The following ACAA2 variants were observed in gnomAD, a reference collection of about 807,000 sequenced individuals.
ACAA2 encodes acetyl-CoA acyltransferase 2.
Under a neutral mutation model 44.8 loss-of-function variants are expected in ACAA2, and 35 were observed. The observed-to-expected ratio is 0.78, with a 90% confidence interval of 0.60 to 1.04. ACAA2 has a LOEUF of 1.04. ACAA2 is among the 50% of genes least tolerant of loss of function. ACAA2 has a pLI of 0.00. For synonymous variants in ACAA2, 142 were observed against 166.5 expected, an observed-to-expected ratio of 0.85 and a Z score of 1.13; for missense variants, 468 against 482.6, an observed-to-expected ratio of 0.97 and a Z score of 0.28.
intron 1 of ACAA2, among the ~76,000 whole-genome samples, chr18:49,807,847 A>G (rs1451600386): frequency 6.6e-6 from 1 of 151,910 alleles, no homozygotes; most frequent in Non-Finnish European, 1.5e-5. Flanking sequence ...TGAATAAATA[A>G]CCTCTGCTCT....
At chr18:49,787,177 G>GCTAA in intron 8 of ACAA2, 114 bp downstream of exon 8, 1 of 817,602 alleles carries the variant, frequency 1.2e-6, no homozygotes, top group Non-Finnish European at 1.7e-6. Context: ...ATTTGGAAAG[G>GCTAA]CTAACTACAA....
Position 49,783,422 on chromosome 18 carries a change from G to A in ACAA2, c.*425C>T, listed in dbSNP as rs2023288846. 4 of 156,306 alleles carry A rather than the reference G, an allele frequency of 2.6e-5. No homozygotes were observed. Among genetic ancestry groups the A allele is most frequent in the Admixed American group, 1.2e-4 (2 of 16,076 alleles). 9.7% of individuals were successfully genotyped at this position (156,306 alleles called of 1,614,324 possible). On this transcript the variant is annotated 3_prime_UTR_variant, in exon 10 of 10. Coordinates refer to ENST00000285093, the MANE Select transcript of ACAA2 (RefSeq NM_006111.3). ...CCAGTGAATTGTACGCTAAAAAAGG[G>A]TTAAGATGGTAAAGTTTATGTAATG...
chr18:49,790,783 AT>A (rs1568585768), intron 7 of ACAA2, among the ~76,000 whole-genome samples: 3 of 152,082 alleles, frequency 2.0e-5, no homozygotes, highest in African/African-American at 7.2e-5. Context: ...GGACTTCCAA[AT>A]TTTTTCCATC....
At chr18:49,811,784 T>C (rs1049091910) in intron 1 of ACAA2, among the ~76,000 whole-genome samples, 2 of 152,158 alleles carry the variant, frequency 1.3e-5, no homozygotes, top group African/African-American at 4.8e-5. Flanking sequence ...TCGACATGAG[T>C]GTCCTCCTAA....
rs1168918021 is a variant in ACAA2, at chr18:49,783,082, T to TTA, written c.*763_*764dup. 1 of 152,116 alleles carries TTA rather than the reference T, an allele frequency of 6.6e-6. No individual in the cohort carries two copies. Among genetic ancestry groups the TTA allele is most frequent in the East Asian group, 1.9e-4 (1 of 5,198 alleles). 9.4% of individuals were successfully genotyped at this position (152,116 alleles called of 1,614,324 possible). Reference sequence around the variant, plus strand: ...TAAGCTGGGAAGAAGGAAGTAAGGTTTATACACACAGCAGAATATTATTCA... The same window carrying TTA: ...TAAGCTGGGAAGAAGGAAGTAAGGTTTATATACACACAGCAGAATATTATTCA... On this transcript the variant is annotated 3_prime_UTR_variant, in exon 10 of 10. Transcript: ENST00000285093.
chr18:49,805,072 T>C (rs1275117442), intron 1 of ACAA2, among the ~76,000 whole-genome samples: 1 of 152,258 alleles, frequency 6.6e-6, no homozygotes, highest in Non-Finnish European at 1.5e-5. Context: ...GACTTCATGC[T>C]AGCACTTTGC....
intron 1 of ACAA2, among the ~76,000 whole-genome samples, chr18:49,803,368 C>G (rs1347527218): frequency 1.3e-5 from 2 of 151,984 alleles, no homozygotes. Flanking sequence ...GCTCTGTAAG[C>G]TAATGCATGT....
At chr18:49,806,102 T>C (rs1421103751) in intron 1 of ACAA2, among the ~76,000 whole-genome samples, 1 of 152,140 alleles carries the variant, frequency 6.6e-6, no homozygotes, top group Non-Finnish European at 1.5e-5. Flanking sequence ...GAAGAGTTGA[T>C]ACTTAGAGGA....
chr18:49,800,890 T>TAAAAA (rs5824805), intron 2 of ACAA2, among the ~76,000 whole-genome samples: 3 of 121,122 alleles, frequency 2.5e-5, no homozygotes, highest in African/African-American at 3.1e-5. Context: ...GAATGATCAA[T>TAAAAA]AAAAAAAAAA....
At chr18:49,812,521 TC>T (rs530485414) in intron 1 of ACAA2, among the ~76,000 whole-genome samples, 107 of 152,052 alleles carry the variant, frequency 7.0e-4, no homozygotes, top group South Asian at 1.7e-3. Flanking sequence ...AACTCATCCC[TC>T]CCCTTTTCTC....
intron 1 of ACAA2, among the ~76,000 whole-genome samples, chr18:49,808,140 A>C (rs1472907458): frequency 6.6e-6 from 1 of 152,246 alleles, no homozygotes; most frequent in African/African-American, 2.4e-5. Context: ...ACAATGAGAT[A>C]CTACTACACA....
At chr18:49,810,669 A>T (rs1233038445) in intron 1 of ACAA2, among the ~76,000 whole-genome samples, 1 of 151,946 alleles carries the variant, frequency 6.6e-6, no homozygotes, top group African/African-American at 2.4e-5. Context: ...TCTCAATCAT[A>T]TATTTTTGGT....
At chr18:49,796,592 T>C (rs181454901) in intron 3 of ACAA2, among the ~76,000 whole-genome samples, 1 of 152,196 alleles carries the variant, frequency 6.6e-6, no homozygotes, top group African/African-American at 2.4e-5. Context: ...AAGAAACAAA[T>C]GTATTTAACC....
Position 49,813,478 on chromosome 18 carries a change from G to A in ACAA2, c.7C>T (p.Leu3=). Residue 3 remains leucine, a synonymous_variant, in exon 1 of 10, where the codon CTG becomes TTG. Transcript: ENST00000285093. The part of the protein sequence containing the change: MA[L]LRGVFVVAAK... ...AGGGGGCTGCGCTCACCTCGGAGCA[G>A]AGCCATGGCGGCTGCTGGGTCGTCG... is the stretch of plus-strand genomic sequence containing the variant. 1 of 1,242,404 alleles carries A rather than the reference G, an allele frequency of 8.0e-7. No individual in the cohort carries two copies. Among genetic ancestry groups the A allele is most frequent in the East Asian group, 3.2e-5 (1 of 31,682 alleles). 77.0% of individuals were successfully genotyped at this position (1,242,404 alleles called of 1,614,324 possible).
Position 49,792,156 on chromosome 18 carries a change from G to T in ACAA2, c.749C>A (p.Ala250Glu). ...AATCTGTGTGGTGATACCAACCGAT[G>T]CATTCCCTGCAGTAACAGTTCCATC... ...KKDGTVTAGN[A>E]SGVADGAGAV... Residue 250 changes from alanine (A) to glutamate (E), a missense_variant, in exon 6 of 10, where the codon GCA becomes GAA. Coordinates refer to ENST00000285093, the MANE Select transcript of ACAA2 (RefSeq NM_006111.3). The T allele has an allele frequency of 1.2e-6, 2 of 1,612,608 alleles. No individual in the cohort carries two copies. Among genetic ancestry groups the T allele is most frequent in the Non-Finnish European group, 1.7e-6 (2 of 1,178,992 alleles).
At chr18:49,785,955 T>G (rs1358321685) in intron 8 of ACAA2, 1 of 152,378 alleles carries the variant, frequency 6.6e-6, no homozygotes, top group Non-Finnish European at 1.5e-5. Context: ...GAACAGTTAC[T>G]ATGTTGAAAT....
chr18:49,792,432 C>A (rs1200365633), intron 5 of ACAA2, 105 bp from the exon 6 acceptor site: 40 of 1,051,326 alleles, frequency 3.8e-5, no homozygotes, highest in Non-Finnish European at 5.3e-5. Flanking sequence ...TCCTCACAGT[C>A]TACTTTAATA....
At chr18:49,803,662 G>T (rs1282678084) in intron 1 of ACAA2, among the ~76,000 whole-genome samples, 1 of 152,176 alleles carries the variant, frequency 6.6e-6, no homozygotes, top group Non-Finnish European at 1.5e-5. Context: ...AGAAACATAT[G>T]TTGAGAACTA....
At chr18:49,794,689 C>A (rs147460885) in intron 4 of ACAA2, among the ~76,000 whole-genome samples, 17 of 152,242 alleles carry the variant, frequency 1.1e-4, no homozygotes, top group South Asian at 1.0e-3. Context: ...CAGGACTAGA[C>A]GTGCATGGTG....
Sources: allele counts gnomAD v4.1 joint callset (sites outside exome capture counted in the v4.1 genomes callset), GRCh38; gene constraint gnomAD v4.1.1; transcripts MANE v1.5; gene names NCBI Gene and HGNC (gene_info 2026-07-23, HGNC 2026-07-21).